HRH1: variants seen among roughly 807,000 people sequenced by gnomAD.
HRH1 encodes the protein histamine H1 receptor.
Under a neutral mutation model 10.3 loss-of-function variants are expected in HRH1, and 6 were observed. The observed-to-expected ratio is 0.58, with a 90% CI of 0.32 to 1.15. The LOEUF (loss-of-function observed/expected upper bound fraction) is 1.15. HRH1 is among the 50% of genes most tolerant of loss of function. The probability of loss-of-function intolerance (pLI) is 0.05; values close to 1 mark genes in which losing one functional copy is unlikely to be tolerated. For missense variants in HRH1, 514 were observed against 615.3 expected (o/e 0.84, Z 1.74); for synonymous variants, 242 against 236.7 (o/e 1.02, Z -0.21).
chr3:11,249,644 A>G (rs1487474041), intron 1 of HRH1, among the ~76,000 whole-genome samples: 2 of 152,188 alleles, frequency 1.3e-5, no homozygotes, highest in Non-Finnish European at 2.9e-5. Context: ...CTTTAGTGAA[A>G]CAAATGTATG....
At chr3:11,145,897 G>A (rs533431833) in intron 1 of HRH1, among the ~76,000 whole-genome samples, 9 of 152,230 alleles carry the variant, frequency 5.9e-5, no homozygotes, top group African/African-American at 2.2e-4. Flanking sequence ...TGTTGTTGTA[G>A]GCAGTAATAG....
chr3:11,168,750 C>T (rs765024523), intron 1 of HRH1, among the ~76,000 whole-genome samples: 5 of 152,174 alleles, frequency 3.3e-5, no homozygotes, highest in Non-Finnish European at 5.9e-5. Flanking sequence ...GCTGGGGGTG[C>T]GGGCTGTATG....
chr3:11,174,487 G>T (rs1423234632), intron 1 of HRH1, among the ~76,000 whole-genome samples: 1 of 152,156 alleles, frequency 6.6e-6, no homozygotes, highest in East Asian at 1.9e-4. Context: ...GGACCCAGGG[G>T]GCAGGAGATG....
chr3:11,246,883 A>C (rs1040141651), intron 1 of HRH1, among the ~76,000 whole-genome samples: 3 of 152,190 alleles, frequency 2.0e-5, no homozygotes, highest in East Asian at 3.9e-4. Flanking sequence ...CTCTCTCTAC[A>C]GAAAATACAA....
At chr3:11,161,145 G>C (rs1001478195) in intron 1 of HRH1, among the ~76,000 whole-genome samples, 4 of 152,180 alleles carry the variant, frequency 2.6e-5, no homozygotes, top group Non-Finnish European at 5.9e-5. Context: ...AGAAGTGGGT[G>C]GACAGCAAGA....
Position 11,260,852 on chromosome 3 carries a change from T to C in HRH1, c.*351T>C, listed in dbSNP as rs201224954. On this transcript the variant is annotated 3_prime_UTR_variant, in exon 2 of 2. Transcript: ENST00000431010. ...AGGAACTATGGGAGCCTCAGACTCA[T>C]TGTAATTCAAGCTTTCCGAGTCAAG... The C allele has an allele frequency of 2.2e-5, 5 of 224,424 alleles. No individual in the cohort carries two copies. Among genetic ancestry groups the C allele is most frequent in the South Asian group, 1.3e-4 (1 of 7,844 alleles). 13.9% of individuals were successfully genotyped at this position (224,424 alleles called of 1,614,324 possible).
intron 1 of HRH1, among the ~76,000 whole-genome samples, chr3:11,197,057 G>A (rs564773663): frequency 2.0e-5 from 3 of 151,274 alleles, no homozygotes; most frequent in Non-Finnish European, 4.4e-5. Context: ...CTCAGGAGGC[G>A]GAGCTTGTAG....
At chr3:11,251,656 T>G (rs75932968) in intron 1 of HRH1, among the ~76,000 whole-genome samples, 2,351 of 152,346 alleles carry the variant, frequency 0.015, 37 homozygotes, top group Middle Eastern at 0.058. Flanking sequence ...TTTTCTGCGT[T>G]TGAATTTCCT....
chr3:11,221,225 C>T (rs1207165999), intron 1 of HRH1, among the ~76,000 whole-genome samples: 1 of 152,104 alleles, frequency 6.6e-6, no homozygotes, highest in Non-Finnish European at 1.5e-5. Flanking sequence ...TTTAGTTTCT[C>T]ATTTATTTAT....
At chr3:11,212,583 C>T (rs1938363538) in intron 1 of HRH1, among the ~76,000 whole-genome samples, 1 of 152,194 alleles carries the variant, frequency 6.6e-6, no homozygotes, top group African/African-American at 2.4e-5. Flanking sequence ...CACTTTTCCC[C>T]CTTCCTAATT....
rs1249742576 is a variant in HRH1, at chr3:11,259,849, C to T, written c.812C>T (p.Ser271Phe). 1.2e-6 allele frequency: 2 copies of T among 1,614,058 alleles called. No homozygotes were observed. Among genetic ancestry groups the T allele is most frequent in the Non-Finnish European group, 1.7e-6 (2 of 1,179,990 alleles). The change falls in exon 2 of 2, where the codon TCT (serine) becomes TTT (phenylalanine). Residue 271 changes from serine (S) to phenylalanine (F), a missense_variant. Physicochemically the swap from Ser to Phe is radical, Grantham distance 155 (BLOSUM62 -2). Coordinates refer to ENST00000431010, the MANE Select transcript of HRH1 (RefSeq NM_001098212.2). This position sits in a 1 kb window ranked among gnomAD's most constrained non-coding sequence, Gnocchi z 4.6. ...AAGCCAAAAGATGCTGGTGGTGGAT[C>T]TGTCTTGAAGTCACCATCCCAAACC... ...KRKPKDAGGGSVLKSPSQTPK... is the reference protein window; with the variant it reads ...KRKPKDAGGGFVLKSPSQTPK...
intron 1 of HRH1, among the ~76,000 whole-genome samples, chr3:11,185,471 C>A (rs1009996328): frequency 2.6e-5 from 4 of 152,216 alleles, no homozygotes; most frequent in African/African-American, 7.2e-5. Flanking sequence ...AACTGTGTCT[C>A]ACCTGCCTCT....
intron 1 of HRH1, among the ~76,000 whole-genome samples, chr3:11,157,776 G>T (rs1936843037): frequency 6.6e-6 from 1 of 152,230 alleles, no homozygotes; most frequent in African/African-American, 2.4e-5. Context: ...GTTGCCAGCA[G>T]AATGCATGTT....
At chr3:11,214,128 T>C (rs1292360209) in intron 1 of HRH1, among the ~76,000 whole-genome samples, 1 of 151,968 alleles carries the variant, frequency 6.6e-6, no homozygotes, top group Non-Finnish European at 1.5e-5. Flanking sequence ...TTCCCTGAAC[T>C]CCAGAGGCTG....
intron 1 of HRH1, among the ~76,000 whole-genome samples, chr3:11,212,293 T>G (rs1938354110): frequency 6.6e-6 from 1 of 152,164 alleles, no homozygotes; most frequent in Non-Finnish European, 1.5e-5. Flanking sequence ...TATATATGTA[T>G]ATATATTTTG....
intron 1 of HRH1, among the ~76,000 whole-genome samples, chr3:11,143,352 G>A (rs1001970382): frequency 3.3e-5 from 5 of 152,194 alleles, no homozygotes; most frequent in African/African-American, 9.7e-5. Context: ...GTCCCAGCCT[G>A]AGAAGGCTTG....
At chr3:11,216,257 A>G (rs1330960031) in intron 1 of HRH1, among the ~76,000 whole-genome samples, 1 of 152,152 alleles carries the variant, frequency 6.6e-6, no homozygotes, top group African/African-American at 2.4e-5. Flanking sequence ...CCACCCAACA[A>G]TTCCGTTTCT....
At chr3:11,233,277 C>CTGTT (rs143787107) in intron 1 of HRH1, among the ~76,000 whole-genome samples, 8,541 of 152,084 alleles carry the variant, frequency 0.056, 330 homozygotes, top group African/African-American at 0.1. Flanking sequence ...CCCTGGAGTT[C>CTGTT]TGTTTGTTTG....
Position 11,260,833 on chromosome 3 carries a change from T to G in HRH1, c.*332T>G. The G allele has an allele frequency of 3.9e-6, 1 of 255,014 alleles. No homozygotes were observed. 15.8% of individuals were successfully genotyped at this position (255,014 alleles called of 1,614,324 possible). A position where few individuals can be genotyped will look rare whatever the true frequency, so the allele number is the denominator to read the frequency against. ...TGGAACTCTCCTGCTCCTCAGGAAC[T>G]ATGGGAGCCTCAGACTCATTGTAAT... On this transcript the variant is annotated 3_prime_UTR_variant, in exon 2 of 2. Coordinates refer to ENST00000431010, the MANE Select transcript of HRH1 (RefSeq NM_001098212.2).
Sources: gnomAD v4.1 joint callset for allele counts (sites outside exome capture counted in the v4.1 genomes callset) on GRCh38, gnomAD v4.1.1 for gene constraint, Gnocchi (gnomAD v3.1) non-coding constraint, MANE v1.5 for transcripts, NCBI Gene and HGNC (gene_info 2026-07-23, HGNC 2026-07-21) for gene names.